FAM227A: variants seen among roughly 807,000 people sequenced by gnomAD.
FAM227A encodes family with sequence similarity 227 member A.
A neutral mutation model predicts 74.7 loss-of-function variants in FAM227A; 80 were observed. The observed-to-expected ratio is 1.07, with a 90% CI of 0.89 to 1.29. FAM227A has a LOEUF of 1.29. FAM227A is among the 50% of genes most tolerant of loss of function. FAM227A has a pLI of 0.00. For missense variants in FAM227A, 654 were observed against 683.4 expected, an observed-to-expected ratio of 0.96 and a Z score of 0.48; for synonymous variants, 237 against 241.8, an observed-to-expected ratio of 0.98 and a Z score of 0.19.
In FAM227A at chr22:38,578,376, T is replaced by C. The variant is rs1423166469; in HGVS notation, c.*7749A>G. ...TCGTTACGTGGTGCATGACTGTGTG[T>C]ATGTATACACACACATACATGTATA... On this transcript the variant is annotated 3_prime_UTR_variant, in exon 17 of 17. Transcript: ENST00000535113. The C allele has an allele frequency of 6.6e-6, 1 of 152,234 alleles. No individual in the cohort carries two copies. The highest frequency in any genetic ancestry group is 1.5e-5 in the Non-Finnish European group (1 of 68,036). 9.4% of individuals were successfully genotyped at this position (152,234 alleles called of 1,614,324 possible).
In FAM227A at chr22:38,628,898, G is replaced by C; in HGVS notation, c.557C>G (p.Ser186Cys). ...CCAGATGGCTCTTGGAGAAGAAGAA[G>C]AGAGAAACTTCTCTAATTCTCTACC... ...CSGRELEKFLSSSSPRAIWLD... is the reference protein window; with the variant it reads ...CSGRELEKFLCSSSPRAIWLD... The change falls in exon 7 of 17, where the codon TCT becomes TGT. Residue 186 changes from serine to cysteine, a missense_variant. Physicochemically the swap from Ser to Cys is moderately radical, Grantham distance 112. Transcript: ENST00000535113. 6.5e-7 allele frequency: 1 copy of C among 1,543,620 alleles called. No individual in the cohort carries two copies. The highest frequency in any genetic ancestry group is 2.5e-5 in the East Asian group (1 of 40,714).
At chr22:38,630,104 C>A (rs1489025296) in intron 6 of FAM227A, among the ~76,000 whole-genome samples, 1 of 150,100 alleles carries the variant, frequency 6.7e-6, no homozygotes, top group African/African-American at 2.5e-5. Flanking sequence ...CTTCTTTAAC[C>A]ATCACTCACA....
In FAM227A at chr22:38,583,712, C is replaced by A. The variant is rs1011530338; in HGVS notation, c.*2413G>T. On this transcript the variant is annotated 3_prime_UTR_variant, in exon 17 of 17. Transcript: ENST00000535113. The stretch of plus-strand genomic sequence containing the variant: ...GAAGCAGGGCAGGGATTCAAAGGCC[C>A]AAATTTTCTCATGCCAAAGCCTAAG... 1 of 152,284 alleles carries A rather than the reference C, an allele frequency of 6.6e-6. No homozygotes were observed. Among genetic ancestry groups the A allele is most frequent in the Non-Finnish European group, 1.5e-5 (1 of 68,100 alleles). 9.4% of individuals were successfully genotyped at this position (152,284 alleles called of 1,614,324 possible).
Position 38,579,441 on chromosome 22 carries a change from A to G in FAM227A, c.*6684T>C, listed in dbSNP as rs138909692. 5.9e-5 allele frequency: 9 copies of G among 152,318 alleles called. No homozygotes were observed. In the East Asian group the frequency reaches 1.7e-3, roughly 29 times the overall value. 9.4% of individuals were successfully genotyped at this position (152,318 alleles called of 1,614,324 possible). A position where few individuals can be genotyped will look rare whatever the true frequency, so the allele number is the denominator to read the frequency against. Reference sequence around the variant, plus strand: ...CAGGAGTAATGGTGCTTTAAACAAGAAGAGCCTCAATTTGAAAATGGGGGA... The same window carrying G: ...CAGGAGTAATGGTGCTTTAAACAAGGAGAGCCTCAATTTGAAAATGGGGGA... On this transcript the variant is annotated 3_prime_UTR_variant, in exon 17 of 17. Transcript: ENST00000535113.
Position 38,628,897 on chromosome 22 carries a change from A to AG in FAM227A, c.557dup (p.Ser187PhefsTer11). 1.3e-6 allele frequency: 2 copies of AG among 1,545,204 alleles called. No individual in the cohort carries two copies. The highest frequency in any genetic ancestry group is 1.7e-6 in the Non-Finnish European group (2 of 1,143,310). Reference sequence around the variant, plus strand: ...GCCAGATGGCTCTTGGAGAAGAAGAAGAGAGAAACTTCTCTAATTCTCTAC... The same window carrying AG: ...GCCAGATGGCTCTTGGAGAAGAAGAAGGAGAGAAACTTCTCTAATTCTCTAC... On this transcript the variant is annotated frameshift_variant, in exon 7 of 17. Transcript: ENST00000535113. LOFTEE classifies it high-confidence loss of function.
intron 11 of FAM227A, among the ~76,000 whole-genome samples, chr22:38,615,810 G>T (rs1407868004): frequency 6.6e-6 from 1 of 152,200 alleles, no homozygotes; most frequent in Non-Finnish European, 1.5e-5. Context: ...TGGAGGCTGG[G>T]TTGGTGCTAC....
chr22:38,613,358 T>C (rs1402208632), intron 11 of FAM227A, among the ~76,000 whole-genome samples: 4 of 91,246 alleles, frequency 4.4e-5, no homozygotes, highest in Admixed American at 1.8e-4. Flanking sequence ...TTATATAATA[T>C]ATATCATATA....
intron 5 of FAM227A, among the ~76,000 whole-genome samples, 185 bp from the exon 6 acceptor site, chr22:38,636,782 T>C (rs1042232041): frequency 1.3e-5 from 2 of 151,162 alleles, no homozygotes; most frequent in South Asian, 4.2e-4. Context: ...TTTTTTTTTT[T>C]TTTTTTGAGA....
chr22:38,649,437 G>T (rs1481369108), intron 2 of FAM227A, among the ~76,000 whole-genome samples: 1 of 151,262 alleles, frequency 6.6e-6, no homozygotes, highest in African/African-American at 2.4e-5. Context: ...ATGGTGACAG[G>T]CGCCTGTAAT....
chr22:38,646,644 CATT>C (rs908779656), intron 2 of FAM227A, among the ~76,000 whole-genome samples: 75 of 151,716 alleles, frequency 4.9e-4, no homozygotes, highest in African/African-American at 8.9e-4. Context: ...CTCTTCCAGT[CATT>C]ATTATTATTA....
intron 1 of FAM227A, among the ~76,000 whole-genome samples, chr22:38,654,138 G>A (rs1041729053): frequency 1.3e-5 from 2 of 151,954 alleles, no homozygotes; most frequent in African/African-American, 2.4e-5. Flanking sequence ...GACGAGGTCA[G>A]GAGATCCAGA....
chr22:38,610,452 CAG>C (rs1207725523), intron 11 of FAM227A, among the ~76,000 whole-genome samples: 2 of 152,176 alleles, frequency 1.3e-5, no homozygotes, highest in Non-Finnish European at 2.9e-5. Context: ...CTTGCTGATG[CAG>C]AGAGAGCTCA....
In FAM227A at chr22:38,609,805, CTT is replaced by C. The variant is rs937257320; in HGVS notation, c.1039-2331_1039-2330del. Among the ~76,000 whole-genome samples, 11 of 151,632 alleles carry C rather than the reference CTT, an allele frequency of 7.3e-5. No homozygotes were observed. The East Asian group carries it at 1.5e-3, about 21-fold the overall frequency. On this transcript the variant is annotated intron_variant, in intron 11 of 16. Transcript: ENST00000535113. ...TTTTTGTTTGAGGTGGAGTTTCACT[CTT>C]GTTGCCCAGGCTGGAGTGCAAGGGC...
In FAM227A at chr22:38,645,589, G is replaced by A. The variant is rs1034726167; in HGVS notation, c.199C>T (p.Arg67Cys). The change falls in exon 3 of 17, where the codon CGT (arginine) becomes TGT (cysteine). Residue 67 changes from arginine (R) to cysteine (C), a missense_variant. Physicochemically the swap from Arg to Cys is radical, Grantham distance 180 (BLOSUM62 -3). Coordinates refer to ENST00000535113, the MANE Select transcript of FAM227A (RefSeq NM_001013647.2). ...VNQKIADINL[R>C]TEPSANSLAI... ...AGGCTGTTGGCCGACGGCTCGGTACGCAGATTTATGTCAGCAATCTTTTGG... is the reference window on the plus strand; with the variant it reads ...AGGCTGTTGGCCGACGGCTCGGTACACAGATTTATGTCAGCAATCTTTTGG... 42 of 1,551,190 alleles carry A rather than the reference G, an allele frequency of 2.7e-5. No homozygotes were observed. The Admixed American group carries it at 6.1e-4, about 22-fold the overall frequency.
chr22:38,603,770 A>G (rs2091225725), intron 13 of FAM227A, among the ~76,000 whole-genome samples: 1 of 152,196 alleles, frequency 6.6e-6, no homozygotes, highest in Non-Finnish European at 1.5e-5. Flanking sequence ...CTTCAAACAA[A>G]TTAGATAACA....
intron 3 of FAM227A, among the ~76,000 whole-genome samples, chr22:38,642,002 AGAATTATT>A (rs1227516316): frequency 1.3e-5 from 2 of 151,950 alleles, no homozygotes; most frequent in Non-Finnish European, 2.9e-5. Context: ...CGTGTGTTTG[AGAATTATT>A]GAAGGGTTTG....
Position 38,583,059 on chromosome 22 carries a change from T to C in FAM227A, c.*3066A>G, listed in dbSNP as rs560947142. ...TCCTAGAGAAACTGCAAATGAAGAG[T>C]TGACAGTGGCTGGGGTAGTAAAGGG... On this transcript the variant is annotated 3_prime_UTR_variant, in exon 17 of 17. Coordinates refer to ENST00000535113, the MANE Select transcript of FAM227A (RefSeq NM_001013647.2). 244 of 1,247,284 alleles carry C rather than the reference T, an allele frequency of 2.0e-4. 2 individuals carry two copies. In the African/African-American group the frequency reaches 3.2e-3, roughly 16 times the overall value. 77.3% of individuals were successfully genotyped at this position (1,247,284 alleles called of 1,614,324 possible). A position where few individuals can be genotyped will look rare whatever the true frequency, so the allele number is the denominator to read the frequency against.
intron 11 of FAM227A, among the ~76,000 whole-genome samples, chr22:38,608,039 G>T (rs572964172): frequency 1.3e-3 from 202 of 151,312 alleles, no homozygotes; most frequent in Non-Finnish European, 2.6e-3. Flanking sequence ...TTATAGAGAG[G>T]CAATAGAAGT....
intron 11 of FAM227A, among the ~76,000 whole-genome samples, chr22:38,613,168 G>T (rs1428481482): frequency 1.0e-4 from 7 of 66,678 alleles, no homozygotes; most frequent in East Asian, 4.0e-4. Flanking sequence ...TATCTATGCT[G>T]TATATATATT....
Sources: allele counts gnomAD v4.1 joint callset (sites outside exome capture counted in the v4.1 genomes callset), GRCh38; gene constraint gnomAD v4.1.1; transcripts MANE v1.5; gene names NCBI Gene and HGNC (gene_info 2026-07-23, HGNC 2026-07-21).